The following SCGB2B2 variants were observed in gnomAD, a reference collection of about 807,000 sequenced individuals.
SCGB2B2 encodes the protein secretoglobin-like protein.
In SCGB2B2, 11 loss-of-function variants were observed where a neutral mutation model predicts 7.6. The observed-to-expected ratio is 1.45, with a 90% CI of 0.91 to 2.40. The LOEUF is 2.40. Ranked by LOEUF, SCGB2B2 falls within the 30% of genes most tolerant of loss-of-function variation. SCGB2B2 has a pLI of 0.00. For missense variants in SCGB2B2, 104 were observed against 115.4 expected (o/e 0.90, Z 0.45); for synonymous variants, 50 against 48.6 (o/e 1.03, Z -0.12).
At chr19:34,659,707 T>C (rs1350981952) in intron 1 of SCGB2B2, among the ~76,000 whole-genome samples, 7 of 152,152 alleles carry the variant, frequency 4.6e-5, no homozygotes, top group Admixed American at 3.3e-4. Context: ...AAAATGGCCA[T>C]ACTGCCCAAG....
chr19:34,620,027 C>T (rs1356526897), intron 1 of SCGB2B2, among the ~76,000 whole-genome samples: 1 of 151,886 alleles, frequency 6.6e-6, no homozygotes, highest in African/African-American at 2.4e-5. Flanking sequence ...AAAAATAGAA[C>T]ACATTTTCCT....
chr19:34,650,542 C>T (rs150991778), intron 1 of SCGB2B2, among the ~76,000 whole-genome samples: 10 of 151,106 alleles, frequency 6.6e-5, no homozygotes, highest in Admixed American at 4.6e-4. Flanking sequence ...TATAACCTAC[C>T]GGGATTGAGC....
At chr19:34,589,167 A>C (rs780974827), downstream of SCGB2B2, among the ~76,000 whole-genome samples, 8 of 152,134 alleles carry the variant, frequency 5.3e-5, no homozygotes, top group Non-Finnish European at 1.0e-4. Context: ...GAAGGTCAAC[A>C]CTTAGACGTA....
At chr19:34,639,888 T>G (rs1202509123) in intron 1 of SCGB2B2, among the ~76,000 whole-genome samples, 2 of 152,076 alleles carry the variant, frequency 1.3e-5, no homozygotes, top group Non-Finnish European at 2.9e-5. Context: ...TGAAAGAGAC[T>G]AAGATAAGCT....
At chr19:34,648,926 G>A (rs879880772) in intron 1 of SCGB2B2, among the ~76,000 whole-genome samples, 8 of 151,300 alleles carry the variant, frequency 5.3e-5, no homozygotes, top group Admixed American at 1.3e-4. Flanking sequence ...ATTTTGAGAC[G>A]GAGTCTTGCT....
intron 1 of SCGB2B2, among the ~76,000 whole-genome samples, chr19:34,615,497 T>G (rs1383442335): frequency 6.6e-6 from 1 of 151,580 alleles, no homozygotes; most frequent in Non-Finnish European, 1.5e-5. Flanking sequence ...CTCATTAGAG[T>G]TTCTGTGACT....
intron 1 of SCGB2B2, among the ~76,000 whole-genome samples, chr19:34,631,149 G>A (rs1600056368): frequency 6.6e-6 from 1 of 151,532 alleles, no homozygotes; most frequent in East Asian, 1.9e-4. Context: ...GGCATTAGTA[G>A]ATATACCTAA....
Position 34,594,607 on chromosome 19 carries a change from C to T in SCGB2B2, c.-44G>A, listed in dbSNP as rs369974692. ...CAGCAGGCACAGGCAGGGAATTTGG[C>T]GATGGGTGAGCTTTATGTATATCTG... On this transcript the variant is annotated 5_prime_UTR_variant, in exon 2 of 4. Coordinates refer to ENST00000601241, the MANE Select transcript of SCGB2B2 (RefSeq NM_001025591.4). The T allele has an allele frequency of 1.9e-5, 29 of 1,541,626 alleles. No individual in the cohort carries two copies. The highest frequency in any genetic ancestry group is 4.1e-5 in the African/African-American group (3 of 73,232).
At chr19:34,603,940 C>G (rs752183953) in intron 1 of SCGB2B2, among the ~76,000 whole-genome samples, 2 of 151,788 alleles carry the variant, frequency 1.3e-5, no homozygotes, top group African/African-American at 2.4e-5. Flanking sequence ...ACTGAATATA[C>G]TCTTATTTTA....
intron 1 of SCGB2B2, among the ~76,000 whole-genome samples, chr19:34,630,016 G>T (rs1380424568): frequency 6.6e-6 from 1 of 151,970 alleles, no homozygotes; most frequent in African/African-American, 2.4e-5. Context: ...ATGGGGAAAG[G>T]ATTCCCTATT....
intron 1 of SCGB2B2, among the ~76,000 whole-genome samples, chr19:34,627,460 T>G (rs1403846642): frequency 6.6e-6 from 1 of 152,058 alleles, no homozygotes; most frequent in East Asian, 1.9e-4. Context: ...AAGCAGGGGT[T>G]GCAATCCTAG....
At chr19:34,627,700 T>C (rs2066417245) in intron 1 of SCGB2B2, among the ~76,000 whole-genome samples, 1 of 152,110 alleles carries the variant, frequency 6.6e-6, no homozygotes, top group African/African-American at 2.4e-5. Flanking sequence ...CTGTCAACAT[T>C]AGACAGATCA....
chr19:34,624,704 C>A (rs564954061), intron 1 of SCGB2B2, among the ~76,000 whole-genome samples: 1 of 152,288 alleles, frequency 6.6e-6, no homozygotes, highest in East Asian at 1.9e-4. Flanking sequence ...CCGCCAGATG[C>A]CTTCAGTTGC....
At chr19:34,670,489 A>G (rs144543221) in intron 1 of SCGB2B2, among the ~76,000 whole-genome samples, 2,491 of 152,274 alleles carry the variant, frequency 0.016, 42 homozygotes, top group South Asian at 0.084. Context: ...TCTCCCTAAT[A>G]ACTAATGTTT....
intron 1 of SCGB2B2, among the ~76,000 whole-genome samples, chr19:34,662,743 G>A (rs1022484652): frequency 2.0e-5 from 3 of 151,952 alleles, no homozygotes; most frequent in Admixed American, 2.0e-4. Flanking sequence ...ACCAGCCTGG[G>A]CAACATGGTG....
At chr19:34,660,828 T>G (rs2067432710) in intron 1 of SCGB2B2, among the ~76,000 whole-genome samples, 1 of 152,202 alleles carries the variant, frequency 6.6e-6, no homozygotes, top group Non-Finnish European at 1.5e-5. Flanking sequence ...TGTACACATA[T>G]GTTTATTGCA....
chr19:34,615,846 AC>A (rs2066061039), intron 1 of SCGB2B2, among the ~76,000 whole-genome samples: 1 of 82,778 alleles, frequency 1.2e-5, no homozygotes, highest in South Asian at 5.1e-4. Context: ...CCCTCCCCCC[AC>A]CCCACAACAG....
chr19:34,597,605 G>A (rs936894607), intron 1 of SCGB2B2, among the ~76,000 whole-genome samples: 2 of 152,198 alleles, frequency 1.3e-5, no homozygotes, highest in East Asian at 1.9e-4. Flanking sequence ...TGGGCTATGC[G>A]CCTTGTGACC....
the SCGB2B2 span, among the ~76,000 whole-genome samples, chr19:34,585,583 CAG>C: frequency 6.6e-6 from 1 of 152,192 alleles, no homozygotes; most frequent in Non-Finnish European, 1.5e-5. Flanking sequence ...ATGTAGGAGA[CAG>C]AGTTATCATC....
Sources: gnomAD v4.1 joint callset for allele counts (sites outside exome capture counted in the v4.1 genomes callset) on GRCh38, gnomAD v4.1.1 for gene constraint, MANE v1.5 for transcripts, NCBI Gene and HGNC (gene_info 2026-07-23, HGNC 2026-07-21) for gene names.